Variants in THAP5 observed in about 807,000 individuals in gnomAD.
THAP5 encodes THAP domain-containing protein 5.
In THAP5, 26 loss-of-function variants were observed where a neutral mutation model predicts 34.0. That is an observed-to-expected ratio of 0.77 (90% CI 0.56 to 1.06). The LOEUF is 1.06. THAP5 is among the 50% of genes least tolerant of loss of function. THAP5 has a pLI of 0.00. For synonymous variants in THAP5, 125 were observed against 153.0 expected (o/e 0.82, Z 1.35); for missense variants, 394 against 452.8 (o/e 0.87, Z 1.18).
chr7:108,555,489 CCTT>C (rs543400529), intron 1 of THAP5, among the ~76,000 whole-genome samples: 371 of 151,992 alleles, frequency 2.4e-3, no homozygotes, highest in African/African-American at 6.4e-3. Context: ...ATTTTTAACA[CCTT>C]CTTTCAAAGG....
At chr7:108,565,366 A>G in intron 2 of THAP5, 1 of 260,084 alleles carries the variant, frequency 3.8e-6, no homozygotes, top group South Asian at 1.0e-4. Flanking sequence ...CAGGAGTTCA[A>G]GACCAGCCTG....
downstream of THAP5, among the ~76,000 whole-genome samples, chr7:108,552,020 A>G (rs1204233355): frequency 6.6e-6 from 1 of 152,038 alleles, no homozygotes; most frequent in Non-Finnish European, 1.5e-5. Flanking sequence ...TGGTTGCTAG[A>G]GATCTGGGAA....
downstream of THAP5, among the ~76,000 whole-genome samples, chr7:108,550,945 G>A (rs928336839): frequency 6.6e-6 from 1 of 151,894 alleles, no homozygotes; most frequent in Non-Finnish European, 1.5e-5. Flanking sequence ...GGCTTTTTTT[G>A]TTCTACTTTT....
chr7:108,561,816 G>C (rs2214911), downstream of THAP5, among the ~76,000 whole-genome samples: 1 of 151,996 alleles, frequency 6.6e-6, no homozygotes, highest in Non-Finnish European at 1.5e-5. Context: ...GATGTAGGAA[G>C]AGAAAAGGCA....
the THAP5 span, among the ~76,000 whole-genome samples, chr7:108,547,660 G>A: frequency 1.3e-5 from 2 of 152,256 alleles, no homozygotes; most frequent in East Asian, 3.9e-4. Context: ...AGAATTCTGT[G>A]TACAGTTTAT....
downstream of THAP5, among the ~76,000 whole-genome samples, chr7:108,561,280 T>TTA: frequency 6.6e-6 from 1 of 151,652 alleles, no homozygotes; most frequent in Admixed American, 6.6e-5. Flanking sequence ...TTTTTTTTTT[T>TTA]AAAGACACGG....
downstream of THAP5, among the ~76,000 whole-genome samples, chr7:108,561,267 C>T (rs1864427373): frequency 1.1e-5 from 1 of 93,556 alleles, no homozygotes; most frequent in Admixed American, 1.2e-4. Context: ...AACAACATAC[C>T]ATTTTTTTTT....
downstream of THAP5, among the ~76,000 whole-genome samples, chr7:108,561,431 T>C (rs957312835): frequency 2.2e-4 from 24 of 111,626 alleles, no homozygotes; most frequent in Admixed American, 1.1e-3. Flanking sequence ...GCCTGGCTGA[T>C]TTTTTTTTTT....
chr7:108,556,573 T>C (rs1435310384), intron 1 of THAP5, among the ~76,000 whole-genome samples: 1 of 152,216 alleles, frequency 6.6e-6, no homozygotes, highest in Non-Finnish European at 1.5e-5. Context: ...TTTGACTCCA[T>C]GTCTCATATC....
At chr7:108,548,966 CA>C in the THAP5 span, among the ~76,000 whole-genome samples, 1 of 152,030 alleles carries the variant, frequency 6.6e-6, no homozygotes, top group Non-Finnish European at 1.5e-5. Flanking sequence ...AGCCTTATTG[CA>C]AACAAAACAA....
chr7:108,549,327 G>A, the THAP5 span, among the ~76,000 whole-genome samples: 4 of 152,134 alleles, frequency 2.6e-5, no homozygotes, highest in Admixed American at 2.0e-4. Context: ...TCACCGTATT[G>A]GCCAGTATGG....
At position 108,569,628 on chromosome 7, in the gene THAP5, A is replaced by G. The variant is rs557855677; in HGVS notation, c.-59T>C. ...CGACGGATGCAGGGCGGCCCTCCTC[A>G]CTGAGGATGCGCCACAGGTCCAGGC... On this transcript the variant is annotated 5_prime_UTR_variant, in exon 1 of 3. The change abolishes the stop of an existing upstream ORF in the 5' untranslated region. Coordinates refer to ENST00000415914, the MANE Select transcript of THAP5 (RefSeq NM_001130475.3). The G allele has an allele frequency of 3.9e-5, 60 of 1,541,978 alleles. No homozygotes were observed. Among genetic ancestry groups the G allele is most frequent in the Non-Finnish European group, 5.1e-5 (58 of 1,143,718 alleles).
the THAP5 span, among the ~76,000 whole-genome samples, chr7:108,542,938 T>C: frequency 6.6e-6 from 1 of 151,880 alleles, no homozygotes; most frequent in Admixed American, 6.6e-5. Context: ...TTTTATTTTA[T>C]TTTTTTGAGA....
At chr7:108,547,520 T>C in the THAP5 span, among the ~76,000 whole-genome samples, 1 of 152,220 alleles carries the variant, frequency 6.6e-6, no homozygotes, top group African/African-American at 2.4e-5. Context: ...AACTTACATA[T>C]TATTTTCCAG....
At chr7:108,544,075 A>G in the THAP5 span, among the ~76,000 whole-genome samples, 3 of 152,208 alleles carry the variant, frequency 2.0e-5, no homozygotes, top group Admixed American at 2.0e-4. Context: ...GAAATTCTGA[A>G]TAATCTTTTT....
chr7:108,552,181 A>C (rs895744828), downstream of THAP5, among the ~76,000 whole-genome samples: 4 of 152,158 alleles, frequency 2.6e-5, no homozygotes, highest in Admixed American at 2.6e-4. Flanking sequence ...ATAAACTTCC[A>C]ATCTTTTGCC....
the THAP5 span, among the ~76,000 whole-genome samples, chr7:108,548,835 G>A: frequency 6.6e-6 from 1 of 152,138 alleles, no homozygotes; most frequent in Non-Finnish European, 1.5e-5. Context: ...TGGGAATTAT[G>A]GGAGCTACAA....
chr7:108,560,863 G>T (rs1274666925), downstream of THAP5, among the ~76,000 whole-genome samples: 1 of 152,100 alleles, frequency 6.6e-6, no homozygotes, highest in Non-Finnish European at 1.5e-5. Flanking sequence ...TCAGCCTCCT[G>T]AGTAGCTAGG....
At position 108,563,434 on chromosome 7, in the gene THAP5, A is replaced by G. The variant is rs1160089349; in HGVS notation, c.*757T>C. 6.7e-6 allele frequency: 1 copy of G among 150,038 alleles called. No individual in the cohort carries two copies. Among genetic ancestry groups the G allele is most frequent in the Non-Finnish European group, 1.5e-5 (1 of 67,832 alleles). 9.3% of individuals were successfully genotyped at this position (150,038 alleles called of 1,614,324 possible). On this transcript the variant is annotated 3_prime_UTR_variant, in exon 3 of 3. Transcript: ENST00000415914. ...GTGCCTATAATCCCAGCTACTCGGG[A>G]AGCTGAGGCAGAAGAATCACTTGAA...
Sources: gnomAD v4.1 joint callset for allele counts (sites outside exome capture counted in the v4.1 genomes callset) on GRCh38, gnomAD v4.1.1 for gene constraint, MANE v1.5 for transcripts, NCBI Gene and HGNC (gene_info 2026-07-23, HGNC 2026-07-21) for gene names.